SYT9: variants seen among roughly 807,000 people sequenced by gnomAD.
SYT9 encodes synaptotagmin-9.
A neutral mutation model predicts 48.4 loss-of-function variants in SYT9; 22 were observed. That is an observed-to-expected ratio of 0.45 (90% CI 0.32 to 0.65). The LOEUF (loss-of-function observed/expected upper bound fraction) is 0.65, where lower values mean the gene tolerates loss of function less well. Ranked by LOEUF, SYT9 falls within the 30% of genes least tolerant of loss-of-function variation. SYT9 has a pLI of 0.03. For missense variants in SYT9, 577 were observed against 622.0 expected (o/e 0.93, Z 0.77); for synonymous variants, 265 against 245.0 (o/e 1.08, Z -0.76).
At chr11:7,394,458 A>G (rs1000139862) in intron 3 of SYT9, among the ~76,000 whole-genome samples, 1 of 152,070 alleles carries the variant, frequency 6.6e-6, no homozygotes, top group Non-Finnish European at 1.5e-5. Context: ...ATGTTTTGTA[A>G]TCCTTTGGGT....
chr11:7,298,228 C>T (rs575608137), intron 1 of SYT9, among the ~76,000 whole-genome samples: 3 of 152,072 alleles, frequency 2.0e-5, no homozygotes, highest in Non-Finnish European at 4.4e-5. Flanking sequence ...TTTTCTCGGT[C>T]TACGTTCAGG....
chr11:7,334,239 TAAGA>T (rs1849595174), intron 3 of SYT9, among the ~76,000 whole-genome samples: 1 of 91,908 alleles, frequency 1.1e-5, no homozygotes. Flanking sequence ...CAAGAATAAT[TAAGA>T]TTTTTAAGAC....
intron 1 of SYT9, among the ~76,000 whole-genome samples, chr11:7,256,900 C>T (rs1187750794): frequency 6.6e-6 from 1 of 152,114 alleles, no homozygotes; most frequent in Non-Finnish European, 1.5e-5. Context: ...GTAAATATTA[C>T]TCTATTCAAG....
chr11:7,403,013 C>G (rs1846927030), intron 3 of SYT9, among the ~76,000 whole-genome samples: 1 of 152,072 alleles, frequency 6.6e-6, no homozygotes, highest in Non-Finnish European at 1.5e-5. Context: ...TTTATCTTAT[C>G]TAATCTTAAT....
chr11:7,466,143 T>C (rs1848330299), intron 6 of SYT9, among the ~76,000 whole-genome samples: 1 of 152,164 alleles, frequency 6.6e-6, no homozygotes, highest in African/African-American at 2.4e-5. Context: ...CTTTGCACAG[T>C]CTCTTTCCTC....
At chr11:7,365,173 A>G (rs941983425) in intron 3 of SYT9, among the ~76,000 whole-genome samples, 2 of 151,998 alleles carry the variant, frequency 1.3e-5, no homozygotes, top group African/African-American at 4.8e-5. Context: ...TTTTGTCTTC[A>G]TGATTGTGGA....
chr11:7,454,603 T>C (rs182552923), intron 6 of SYT9, among the ~76,000 whole-genome samples: 103 of 152,340 alleles, frequency 6.8e-4, no homozygotes, highest in African/African-American at 2.4e-3. Context: ...AATATCATAA[T>C]TGTCTCTGCC....
chr11:7,453,982 G>A (rs1267971452), intron 6 of SYT9: 1 of 985,266 alleles, frequency 1.0e-6, no homozygotes, highest in African/African-American at 1.7e-5. Context: ...ACCCTCTGTG[G>A]TCTCCTCTTG....
At chr11:7,367,924 T>C (rs1850283178) in intron 3 of SYT9, among the ~76,000 whole-genome samples, 3 of 152,206 alleles carry the variant, frequency 2.0e-5, no homozygotes, top group African/African-American at 4.8e-5. Flanking sequence ...AAGAGCCTTG[T>C]ATATGATCTC....
At chr11:7,246,704 A>G (rs1293811008) in intron 1 of SYT9, among the ~76,000 whole-genome samples, 1 of 152,208 alleles carries the variant, frequency 6.6e-6, no homozygotes, top group Admixed American at 6.5e-5. Context: ...TAAAACAACC[A>G]CCATTTTATT....
At chr11:7,448,380 A>C (rs1287150439) in intron 6 of SYT9, among the ~76,000 whole-genome samples, 1 of 152,234 alleles carries the variant, frequency 6.6e-6, no homozygotes, top group Non-Finnish European at 1.5e-5. Flanking sequence ...GCGCCTGCTA[A>C]AAGCAGTGTG....
chr11:7,260,989 G>A (rs1157259995), intron 1 of SYT9, among the ~76,000 whole-genome samples: 1 of 152,210 alleles, frequency 6.6e-6, no homozygotes, highest in Non-Finnish European at 1.5e-5. Context: ...TTTCTCTGAA[G>A]TTATAGGGCC....
intron 1 of SYT9, among the ~76,000 whole-genome samples, chr11:7,240,324 A>G (rs11041272): frequency 0.12 from 18,796 of 152,168 alleles, 1,248 homozygotes; most frequent in Admixed American, 0.19. Context: ...GAAGTTTCAT[A>G]TAGCAGATTA....
chr11:7,431,194 G>C (rs539887604), intron 6 of SYT9, among the ~76,000 whole-genome samples: 1 of 152,302 alleles, frequency 6.6e-6, no homozygotes, highest in East Asian at 1.9e-4. Flanking sequence ...GGGAACAAGA[G>C]CAAAGGTCAT....
rs77710832 is a variant in SYT9, at chr11:7,459,466, C to A, written c.1468-7326C>A. Among the ~76,000 whole-genome samples, 1,249 of 152,250 alleles carry A rather than the reference C, an allele frequency of 8.2e-3. 22 individuals carry two copies. Among genetic ancestry groups the A allele is most frequent in the African/African-American group, 0.026 (1,082 of 41,532 alleles). On this transcript the variant is annotated intron_variant, in intron 6 of 6. Transcript: ENST00000318881. The stretch of plus-strand genomic sequence containing the variant: ...TAAGAAAACCAAGAGGGTTTGGTAT[C>A]CTAGAAGGCAAGAAAGAAATTGTTT...
chr11:7,449,407 G>A (rs1314097714), intron 6 of SYT9, among the ~76,000 whole-genome samples: 2 of 151,554 alleles, frequency 1.3e-5, no homozygotes, highest in Non-Finnish European at 2.9e-5. Context: ...TGCATGGAAT[G>A]TGAGGGACTA....
upstream of SYT9, among the ~76,000 whole-genome samples, chr11:7,250,089 G>T (rs1847841082): frequency 6.6e-6 from 1 of 152,126 alleles, no homozygotes; most frequent in Non-Finnish European, 1.5e-5. Flanking sequence ...TTCCAATGAT[G>T]ATTGCCAGTC....
intron 6 of SYT9, among the ~76,000 whole-genome samples, chr11:7,441,959 C>T (rs1310121384): frequency 6.6e-6 from 1 of 152,036 alleles, no homozygotes; most frequent in African/African-American, 2.4e-5. Context: ...CCACAGGCAC[C>T]CTGTTTCTTC....
At chr11:7,254,744 T>TC (rs1847936023) in intron 1 of SYT9, among the ~76,000 whole-genome samples, 1 of 152,186 alleles carries the variant, frequency 6.6e-6, no homozygotes, top group Non-Finnish European at 1.5e-5. Context: ...CACCCTGTGA[T>TC]AGCTAGGTTT....
Sources: allele counts gnomAD v4.1 joint callset (sites outside exome capture counted in the v4.1 genomes callset), GRCh38; gene constraint gnomAD v4.1.1; transcripts MANE v1.5; gene names NCBI Gene and HGNC (gene_info 2026-07-23, HGNC 2026-07-21).